ZNF469: variants seen among roughly 807,000 people sequenced by gnomAD.
The protein encoded by ZNF469 is zinc finger protein 469.
ZNF469 carries 1 observed loss-of-function variant against 1.0 expected under a neutral mutation model. That is an observed-to-expected ratio of 1.00 (90% CI 0.35 to 4.73). The LOEUF is 4.73. ZNF469 is among the 30% of genes most tolerant of loss of function. The probability of loss-of-function intolerance (pLI) is 0.16; values close to 1 mark genes in which losing one functional copy is unlikely to be tolerated. For missense variants in ZNF469, 6,100 were observed against 5,356.3 expected (o/e 1.14, Z -4.33); for synonymous variants, 2,703 against 2,363.4 (o/e 1.14, Z -4.17).
chr16:88,430,085 A>T lies in ZNF469; in HGVS notation c.2615A>T (p.Glu872Val). The change falls in exon 3 of 3, where the codon GAG becomes GTG. Residue 872 changes from glutamate (E) to valine (V), a missense_variant. Coordinates refer to ENST00000565624, the MANE Select transcript of ZNF469 (RefSeq NM_001367624.2). ...SSFIDVFADE[E>V]PSGPRGPSSG... ...TTCATCGACGTCTTCGCGGACGAGG[A>T]GCCTTCCGGCCCCAGAGGTCCCAGC... The T allele has an allele frequency of 6.5e-7, 1 of 1,550,152 alleles. No individual in the cohort carries two copies. The highest frequency in any genetic ancestry group is 8.7e-7 in the Non-Finnish European group (1 of 1,146,958).
chr16:88,383,474 C>A (rs1265610677), intron 1 of ZNF469, among the ~76,000 whole-genome samples: 2 of 148,692 alleles, frequency 1.3e-5, no homozygotes, highest in Non-Finnish European at 3.0e-5. Context: ...TGCGGGGCAG[C>A]GAGCGCCGGG....
At chr16:88,393,297 C>T (rs1276172057) in intron 1 of ZNF469, among the ~76,000 whole-genome samples, 2 of 152,278 alleles carry the variant, frequency 1.3e-5, no homozygotes, top group Non-Finnish European at 2.9e-5. Context: ...GCAGGGTCAG[C>T]CCAGGGCCCG....
chr16:88,205,721 G>A, the ZNF469 span, among the ~76,000 whole-genome samples: 4 of 152,230 alleles, frequency 2.6e-5, no homozygotes, highest in African/African-American at 7.2e-5. The surrounding 1 kb of genome is among the most constrained non-coding windows in gnomAD (Gnocchi z 4.2). Context: ...GTGACGAGGT[G>A]TCAGAGACGC....
chr16:88,154,016 T>A, the ZNF469 span, among the ~76,000 whole-genome samples: 1 of 152,208 alleles, frequency 6.6e-6, no homozygotes, highest in South Asian at 2.1e-4. Context: ...AGGTATGAAT[T>A]TGGGGACACA....
At chr16:88,342,857 G>A in the ZNF469 span, among the ~76,000 whole-genome samples, 1 of 152,248 alleles carries the variant, frequency 6.6e-6, no homozygotes, top group Admixed American at 6.5e-5. Context: ...GCCCTTGTCG[G>A]GACCCAGTTG....
chr16:88,313,606 T>C, the ZNF469 span, among the ~76,000 whole-genome samples: 1 of 152,052 alleles, frequency 6.6e-6, no homozygotes, highest in Non-Finnish European at 1.5e-5. Flanking sequence ...ATCTCTGTAA[T>C]TAAGATGATG....
At chr16:88,287,419 A>C in the ZNF469 span, among the ~76,000 whole-genome samples, 1 of 152,326 alleles carries the variant, frequency 6.6e-6, no homozygotes, top group South Asian at 2.1e-4. Flanking sequence ...GCACCAGCGG[A>C]GCCCAGCCAC....
At chr16:88,148,774 G>A in the ZNF469 span, among the ~76,000 whole-genome samples, 2 of 152,182 alleles carry the variant, frequency 1.3e-5, no homozygotes, top group African/African-American at 4.8e-5. Context: ...GTTGGGAGGC[G>A]TCGTGCTGGG....
At chr16:88,336,787 G>A in the ZNF469 span, among the ~76,000 whole-genome samples, 1 of 152,178 alleles carries the variant, frequency 6.6e-6, no homozygotes, top group East Asian at 1.9e-4. Context: ...ACAAAGTTAT[G>A]CGACCATCAC....
intron 1 of ZNF469, among the ~76,000 whole-genome samples, chr16:88,393,122 G>A (rs763006053): frequency 1.3e-5 from 2 of 152,286 alleles, no homozygotes; most frequent in African/African-American, 2.4e-5. Flanking sequence ...GGCACCACGC[G>A]GCTGGCAGCT....
the ZNF469 span, among the ~76,000 whole-genome samples, chr16:88,313,490 T>C: frequency 6.6e-6 from 1 of 152,386 alleles, no homozygotes; most frequent in East Asian, 1.9e-4. Context: ...TGGTGTGGAC[T>C]GTCTCTGTAA....
At chr16:88,335,285 A>G in the ZNF469 span, among the ~76,000 whole-genome samples, 301 of 152,248 alleles carry the variant, frequency 2.0e-3, 4 homozygotes, top group African/African-American at 6.8e-3. Flanking sequence ...TCAGAGCTTA[A>G]CTCCCTGGTT....
the ZNF469 span, chr16:88,234,684 C>G: frequency 3.3e-5 from 5 of 152,254 alleles, no homozygotes; most frequent in Admixed American, 1.3e-4. Flanking sequence ...AGAGTGTCTC[C>G]GATGGGGAGG....
the ZNF469 span, among the ~76,000 whole-genome samples, chr16:88,249,705 G>C: frequency 1.3e-5 from 2 of 152,056 alleles, no homozygotes; most frequent in Admixed American, 6.5e-5. Flanking sequence ...CAAAGCGCTG[G>C]GATTACAGGC....
chr16:88,347,640 C>G, the ZNF469 span, among the ~76,000 whole-genome samples: 10 of 152,222 alleles, frequency 6.6e-5, no homozygotes, highest in Non-Finnish European at 1.3e-4. Flanking sequence ...GCCCCACATC[C>G]ACCCCGATGT....
the ZNF469 span, among the ~76,000 whole-genome samples, chr16:88,250,551 CT>C: frequency 1.3e-5 from 2 of 152,146 alleles, no homozygotes; most frequent in African/African-American, 2.4e-5. Flanking sequence ...TATGTCATTT[CT>C]TCACGTATTT....
chr16:88,218,694 T>C, the ZNF469 span, among the ~76,000 whole-genome samples: 7 of 151,316 alleles, frequency 4.6e-5, no homozygotes, highest in Non-Finnish European at 1.0e-4. Flanking sequence ...AGCATTCCCT[T>C]TGAAAACTGG....
At chr16:88,291,141 G>T in the ZNF469 span, among the ~76,000 whole-genome samples, 13 of 152,136 alleles carry the variant, frequency 8.5e-5, no homozygotes, top group Non-Finnish European at 1.6e-4. Context: ...CATAGATGGG[G>T]CAGTCCGGGC....
chr16:88,212,978 T>C, the ZNF469 span, among the ~76,000 whole-genome samples: 1 of 152,270 alleles, frequency 6.6e-6, no homozygotes, highest in African/African-American at 2.4e-5. Flanking sequence ...AAGGTGATTT[T>C]TATATACTCA....
Sources: allele counts gnomAD v4.1 joint callset (sites outside exome capture counted in the v4.1 genomes callset), GRCh38; gene constraint gnomAD v4.1.1; non-coding constraint Gnocchi (gnomAD v3.1); transcripts MANE v1.5; gene names NCBI Gene and HGNC (gene_info 2026-07-23, HGNC 2026-07-21).